Variants in KCNIP4 observed in about 807,000 individuals in gnomAD.
The protein encoded by KCNIP4 is Kv channel-interacting protein 4.
Under a neutral mutation model 34.0 loss-of-function variants are expected in KCNIP4, and 12 were observed. That is an observed-to-expected ratio of 0.35 (90% confidence interval 0.23 to 0.57). The LOEUF is 0.57. KCNIP4 is among the 20% of genes least tolerant of loss of function. The pLI, the probability that KCNIP4 is intolerant of heterozygous loss-of-function variation, is 0.83. For synonymous variants in KCNIP4, 124 were observed against 102.2 expected, an observed-to-expected ratio of 1.21 and a Z score of -1.29; for missense variants, 238 against 311.7, an observed-to-expected ratio of 0.76 and a Z score of 1.78.
At chr4:21,268,557 T>C (rs146221461) in intron 1 of KCNIP4, among the ~76,000 whole-genome samples, 2,110 of 152,306 alleles carry the variant, frequency 0.014, 21 homozygotes, top group South Asian at 0.026. Flanking sequence ...AGTCTGACTT[T>C]GTCTTGAGGG....
intron 1 of KCNIP4, among the ~76,000 whole-genome samples, chr4:21,428,840 T>C (rs1726158758): frequency 6.6e-6 from 1 of 152,242 alleles, no homozygotes; most frequent in South Asian, 2.1e-4. Context: ...TTTAGAGAAG[T>C]TTTAGATTCA....
chr4:20,749,166 A>G (rs1753104087), intron 5 of KCNIP4, among the ~76,000 whole-genome samples: 1 of 151,566 alleles, frequency 6.6e-6, no homozygotes, highest in African/African-American at 2.4e-5. Context: ...AAAAAAAAAA[A>G]AAAAAATACG....
At chr4:21,327,348 G>A (rs758543956) in intron 1 of KCNIP4, among the ~76,000 whole-genome samples, 1 of 151,982 alleles carries the variant, frequency 6.6e-6, no homozygotes, top group African/African-American at 2.4e-5. Flanking sequence ...ATTTCCTTCA[G>A]CACTTTAAAC....
At chr4:21,227,167 T>C (rs1758466304) in intron 1 of KCNIP4, among the ~76,000 whole-genome samples, 1 of 152,206 alleles carries the variant, frequency 6.6e-6, no homozygotes, top group African/African-American at 2.4e-5. Context: ...CTTCAGTCTG[T>C]CAACAGCACT....
chr4:21,443,684 C>T (rs960293527), intron 1 of KCNIP4, among the ~76,000 whole-genome samples: 2 of 152,054 alleles, frequency 1.3e-5, no homozygotes, highest in African/African-American at 4.8e-5. Context: ...TGTAACCCCA[C>T]CACACTGGGA....
chr4:21,508,132 T>C (rs762188012), intron 1 of KCNIP4, among the ~76,000 whole-genome samples: 6 of 152,204 alleles, frequency 3.9e-5, no homozygotes, highest in Non-Finnish European at 8.8e-5. Context: ...ATATTTATTT[T>C]GCTTGCAAAA....
chr4:21,098,468 T>C (rs1205957796), intron 1 of KCNIP4, among the ~76,000 whole-genome samples: 1 of 152,198 alleles, frequency 6.6e-6, no homozygotes, highest in Non-Finnish European at 1.5e-5. Flanking sequence ...AAGCCGATAC[T>C]CATTTACCAT....
intron 1 of KCNIP4, among the ~76,000 whole-genome samples, chr4:21,007,813 C>T (rs949759526): frequency 1.3e-5 from 2 of 152,164 alleles, no homozygotes; most frequent in Non-Finnish European, 2.9e-5. Flanking sequence ...AAGAAACCAA[C>T]GGAGAGTCAT....
chr4:21,385,108 C>T (rs1421942642), intron 1 of KCNIP4, among the ~76,000 whole-genome samples: 1 of 152,192 alleles, frequency 6.6e-6, no homozygotes, highest in Non-Finnish European at 1.5e-5. Flanking sequence ...GAGGATAGTA[C>T]TGCCACAAAG....
chr4:20,808,297 T>C (rs1715325108), intron 3 of KCNIP4, among the ~76,000 whole-genome samples: 1 of 152,128 alleles, frequency 6.6e-6, no homozygotes, highest in South Asian at 2.1e-4. Flanking sequence ...AAGGATGCCA[T>C]GAAGGCTATT....
intron 1 of KCNIP4, among the ~76,000 whole-genome samples, chr4:21,805,749 T>C (rs541401242): frequency 6.6e-6 from 1 of 152,164 alleles, no homozygotes; most frequent in Non-Finnish European, 1.5e-5. Flanking sequence ...GTGGAAAATC[T>C]CACCCTTCCA....
At chr4:21,014,874 G>A (rs1739364463) in intron 1 of KCNIP4, among the ~76,000 whole-genome samples, 1 of 152,102 alleles carries the variant, frequency 6.6e-6, no homozygotes, top group Admixed American at 6.6e-5. Flanking sequence ...GTCCATTGAT[G>A]GATGAAGGGA....
chr4:20,950,815 A>T (rs554946442), intron 1 of KCNIP4, among the ~76,000 whole-genome samples: 1 of 152,146 alleles, frequency 6.6e-6, no homozygotes. Context: ...GAAATGGTCA[A>T]AAAGAAAAGT....
chr4:21,700,897 C>T (rs1237756342), intron 1 of KCNIP4, among the ~76,000 whole-genome samples: 1 of 152,100 alleles, frequency 6.6e-6, no homozygotes, highest in Non-Finnish European at 1.5e-5. Context: ...GTCAAAACTA[C>T]TTCTGGGGAT....
At chr4:21,780,596 G>T (rs549650912) in intron 1 of KCNIP4, among the ~76,000 whole-genome samples, 4 of 152,162 alleles carry the variant, frequency 2.6e-5, no homozygotes, top group Non-Finnish European at 4.4e-5. Flanking sequence ...AGACTGCCCA[G>T]GCTGCTCCAA....
In KCNIP4 at chr4:21,871,334, C is replaced by T. The variant is rs373143874; in HGVS notation, c.61+77237G>A. Among the ~76,000 whole-genome samples the T allele has an allele frequency of 2.7e-3, 395 of 146,486 alleles. 1 individual carries two copies. Among genetic ancestry groups the T allele is most frequent in the African/African-American group, 9.3e-3 (368 of 39,708 alleles). On this transcript the variant is annotated intron_variant, in intron 1 of 8. Coordinates refer to ENST00000382152, the MANE Select transcript of KCNIP4 (RefSeq NM_025221.6). Reference sequence around the variant, plus strand: ...TATAAATCATACTGCTATAAAGACACATGCACACGTATGTTTACTGTGGCA... The same window carrying T: ...TATAAATCATACTGCTATAAAGACATATGCACACGTATGTTTACTGTGGCA...
chr4:20,878,929 T>C (rs1285961495), intron 2 of KCNIP4, among the ~76,000 whole-genome samples: 1 of 152,036 alleles, frequency 6.6e-6, no homozygotes, highest in Non-Finnish European at 1.5e-5. Context: ...GACCAGAGTT[T>C]AGTAGCCATT....
chr4:21,058,440 A>G (rs1034547369), intron 1 of KCNIP4, among the ~76,000 whole-genome samples: 7 of 152,144 alleles, frequency 4.6e-5, no homozygotes, highest in Admixed American at 1.3e-4. Flanking sequence ...GACTTGGATA[A>G]AAATGGGTTC....
intron 1 of KCNIP4, among the ~76,000 whole-genome samples, chr4:21,870,187 CTT>C (rs751841110): frequency 6.6e-6 from 1 of 152,136 alleles, no homozygotes; most frequent in Non-Finnish European, 1.5e-5. Flanking sequence ...AAGGTAAACT[CTT>C]TTGCATTCCT....
Sources: gnomAD v4.1 joint callset for allele counts (sites outside exome capture counted in the v4.1 genomes callset) on GRCh38, gnomAD v4.1.1 for gene constraint, MANE v1.5 for transcripts, NCBI Gene and HGNC (gene_info 2026-07-23, HGNC 2026-07-21) for gene names.